Variants in GAB3 observed in about 807,000 individuals in gnomAD.
The protein encoded by GAB3 is GRB2 associated binding protein 3, also known as GRB2-associated-binding protein 3.
Under a neutral mutation model 40.4 loss-of-function variants are expected in GAB3, and 12 were observed. The ratio of observed to expected loss-of-function variants is 0.30; its 90% CI spans 0.19 to 0.48. The LOEUF (loss-of-function observed/expected upper bound fraction) is 0.48. Ranked by LOEUF, GAB3 falls within the 20% of genes least tolerant of loss-of-function variation. The pLI, the probability that GAB3 is intolerant of heterozygous loss-of-function variation, is 0.99. For synonymous variants in GAB3, 154 were observed against 176.7 expected (o/e 0.87, Z 1.02); for missense variants, 381 against 461.9 (o/e 0.82, Z 1.61).
intron 1 of GAB3, among the ~76,000 whole-genome samples, chrX:154,731,290 T>C (rs970844067): frequency 3.6e-5 from 4 of 111,821 alleles, no homozygotes; most frequent in African/African-American, 1.3e-4. Context: ...TAAACTCTGG[T>C]AAGTTCTGTG....
chrX:154,745,628 G>A (rs2071514156), intron 1 of GAB3, among the ~76,000 whole-genome samples: 1 of 111,940 alleles, frequency 8.9e-6, no homozygotes, highest in Non-Finnish European at 1.9e-5. Flanking sequence ...AGGATAATAA[G>A]GGAACATAAT....
At chrX:154,716,516 C>T (rs980699948) in intron 1 of GAB3, among the ~76,000 whole-genome samples, 187 bp from the exon 2 acceptor site, 1 of 112,653 alleles carries the variant, frequency 8.9e-6, no homozygotes, top group African/African-American at 3.2e-5. Context: ...ATTTTAAGGA[C>T]GGGTCAGGAT....
At position 154,699,245 on chromosome X, in the gene GAB3, G is replaced by A. The variant is rs782441277; in HGVS notation, c.1345+49C>T. On this transcript the variant is annotated intron_variant, in intron 6 of 9. Transcript: ENST00000424127. The stretch of plus-strand genomic sequence containing the variant: ...CAGAAACCTTTTCTATGCAACCACC[G>A]GAACCTTGCTCCCCTACCCCTGTAC... The A allele has an allele frequency of 2.1e-5, 22 of 1,044,414 alleles. No individual in the cohort carries two copies. The East Asian group carries it at 2.4e-4, about 12-fold the overall frequency. The allele number at this position is 1,044,414 out of a possible 1,213,427, so 86.1% of individuals were successfully genotyped here.
rs1202679559 is a variant in GAB3 at position 154,728,120 on chromosome X, C to T, written c.73-11791G>A. On this transcript the variant is annotated intron_variant, in intron 1 of 9. Transcript: ENST00000424127. ...CAGCAGAATTGGCCCTCTGCCCCCTCTGCGGTGGTGAAATCCCAAAGCTGT... is the reference window on the plus strand; with the variant it reads ...CAGCAGAATTGGCCCTCTGCCCCCTTTGCGGTGGTGAAATCCCAAAGCTGT... Among the ~76,000 whole-genome samples, 3 of 111,612 alleles carry T rather than the reference C, an allele frequency of 2.7e-5. No individual in the cohort carries two copies. In the East Asian group the frequency reaches 8.4e-4, roughly 31 times the overall value.
chrX:154,710,380 G>C (rs1355003602), intron 4 of GAB3, among the ~76,000 whole-genome samples: 1 of 111,816 alleles, frequency 8.9e-6, no homozygotes, highest in East Asian at 2.8e-4. Context: ...AGGAGGACTT[G>C]TCCTACTGGA....
At chrX:154,745,773 C>T (rs1005101788) in intron 1 of GAB3, among the ~76,000 whole-genome samples, 7 of 111,557 alleles carry the variant, frequency 6.3e-5, no homozygotes, top group African/African-American at 9.8e-5. Context: ...AAAATTTGGC[C>T]AGGCCCAGTG....
chrX:154,718,035 G>T (rs2071073099), intron 1 of GAB3, among the ~76,000 whole-genome samples: 1 of 111,482 alleles, frequency 9.0e-6, no homozygotes, highest in Non-Finnish European at 1.9e-5. Flanking sequence ...ACAGCAGGAA[G>T]TGTGGGGTTC....
At chrX:154,689,444 G>C (rs1409182220) in intron 8 of GAB3, among the ~76,000 whole-genome samples, 1 of 111,360 alleles carries the variant, frequency 9.0e-6, no homozygotes, top group African/African-American at 3.3e-5. Context: ...GGAAATAAAG[G>C]CTATTCAATT....
chrX:154,726,769 T>C (rs2071217455), intron 1 of GAB3, among the ~76,000 whole-genome samples: 1 of 111,632 alleles, frequency 9.0e-6, no homozygotes, highest in South Asian at 3.7e-4. Context: ...TCGCCATCCT[T>C]CCATTCTGTA....
At chrX:154,697,616 G>C (rs1413719848) in intron 6 of GAB3, among the ~76,000 whole-genome samples, 1 of 111,800 alleles carries the variant, frequency 8.9e-6, no homozygotes, top group Admixed American at 9.5e-5. Context: ...CCAGGTCCTA[G>C]TCTTCCCCAC....
intron 2 of GAB3, 140 bp downstream of exon 2, chrX:154,715,886 G>C: frequency 1.7e-6 from 1 of 581,882 alleles, no homozygotes; most frequent in South Asian, 2.8e-5. Context: ...TATTGTATTT[G>C]GTAGGAACAG....
At chrX:154,727,645 C>G (rs1361637430) in intron 1 of GAB3, among the ~76,000 whole-genome samples, 4 of 112,272 alleles carry the variant, frequency 3.6e-5, no homozygotes, top group Non-Finnish European at 7.5e-5. Flanking sequence ...AACCTAATCA[C>G]CAGAATGTAC....
intron 4 of GAB3, among the ~76,000 whole-genome samples, chrX:154,702,520 CA>C (rs1478359282): frequency 1.8e-5 from 2 of 112,032 alleles, no homozygotes; most frequent in African/African-American, 6.5e-5. Flanking sequence ...AATTCTTCAG[CA>C]GTACACCAAA....
rs191282241 is a variant in GAB3 at position 154,709,406 on chromosome X, T to C, written c.1069+2823A>G. On this transcript the variant is annotated intron_variant, in intron 4 of 9. Transcript: ENST00000424127. The stretch of plus-strand genomic sequence containing the variant: ...TGTGATCTTGGCTCACTGCAAACTC[T>C]GCCTCCCAGGTTCAAGCGATTCTCC... Among the ~76,000 whole-genome samples, 956 of 107,460 alleles carry C rather than the reference T, an allele frequency of 8.9e-3. 18 individuals carry two copies. The highest frequency in any genetic ancestry group is 0.03 in the African/African-American group (881 of 29,378). 93.3% of individuals were successfully genotyped at this position (107,460 alleles called of 115,157 possible).
chrX:154,750,898 C>G, intron 1 of GAB3, 56 bp downstream of exon 1: 1 of 749,362 alleles, frequency 1.3e-6, no homozygotes, highest in Middle Eastern at 7.4e-4. Flanking sequence ...GCGGCCGCCC[C>G]GCGGGCGGGT....
intron 1 of GAB3, among the ~76,000 whole-genome samples, chrX:154,735,733 A>G (rs1254173443): frequency 8.9e-6 from 1 of 112,072 alleles, no homozygotes; most frequent in Non-Finnish European, 1.9e-5. Flanking sequence ...TACAATTCAC[A>G]TCAAATCATG....
chrX:154,682,028 TA>T (rs1171871126), intron 8 of GAB3, among the ~76,000 whole-genome samples: 1 of 112,298 alleles, frequency 8.9e-6, no homozygotes, highest in Non-Finnish European at 1.9e-5. Flanking sequence ...TCATTCTCCT[TA>T]ATGTCTTTCA....
intron 1 of GAB3, among the ~76,000 whole-genome samples, chrX:154,730,429 A>G (rs2071275615): frequency 9.0e-6 from 1 of 111,658 alleles, no homozygotes; most frequent in African/African-American, 3.3e-5. Flanking sequence ...CAAGGCCCCT[A>G]GGAATTTTGG....
intron 8 of GAB3, among the ~76,000 whole-genome samples, chrX:154,691,427 A>G (rs1465603063): frequency 4.5e-5 from 5 of 111,010 alleles, no homozygotes; most frequent in Non-Finnish European, 9.4e-5. Context: ...ATAATAATAA[A>G]TAAATAAAAA....
Sources: allele counts gnomAD v4.1 joint callset (sites outside exome capture counted in the v4.1 genomes callset), GRCh38; gene constraint gnomAD v4.1.1; transcripts MANE v1.5; gene names NCBI Gene and HGNC (gene_info 2026-07-23, HGNC 2026-07-21).